The following THSD7B variants were observed in gnomAD, a reference collection of about 807,000 sequenced individuals.
THSD7B encodes the protein thrombospondin type-1 domain-containing protein 7B.
Under a neutral mutation model 213.6 loss-of-function variants are expected in THSD7B, and 138 were observed. The ratio of observed to expected loss-of-function variants is 0.65; its 90% confidence interval spans 0.56 to 0.74. The LOEUF is 0.74. Ranked by LOEUF, THSD7B falls within the 30% of genes least tolerant of loss-of-function variation. The probability of loss-of-function intolerance (pLI) is 0.00; values close to 1 mark genes in which losing one functional copy is unlikely to be tolerated. For missense variants in THSD7B, 1,931 were observed against 1,991.5 expected, an observed-to-expected ratio of 0.97 and a Z score of 0.58; for synonymous variants, 742 against 687.0, an observed-to-expected ratio of 1.08 and a Z score of -1.25.
At chr2:137,074,497 T>C (rs2104896209) in intron 3 of THSD7B, among the ~76,000 whole-genome samples, 1 of 152,312 alleles carries the variant, frequency 6.6e-6, no homozygotes, top group African/African-American at 2.4e-5. Flanking sequence ...GTGAGATGGG[T>C]TTCCTGAATA....
At position 137,233,230 on chromosome 2, in the gene THSD7B, C is replaced by T. The variant is rs531249763; in HGVS notation, c.2150+97C>T. ...TCAAGCAATAGATATTTCTGGGTCTCTGATAGAGTAAGAGGGTTTGTTGTT... is the reference window on the plus strand; with the variant it reads ...TCAAGCAATAGATATTTCTGGGTCTTTGATAGAGTAAGAGGGTTTGTTGTT... On this transcript the variant is annotated intron_variant, in intron 9 of 27. Transcript: ENST00000409968. 3.5e-6 allele frequency: 4 copies of T among 1,155,024 alleles called. No homozygotes were observed. The East Asian group carries it at 7.7e-5, about 22-fold the overall frequency. 71.5% of individuals were successfully genotyped at this position (1,155,024 alleles called of 1,614,324 possible). A position where few individuals can be genotyped will look rare whatever the true frequency, so the allele number is the denominator to read the frequency against.
intron 5 of THSD7B, among the ~76,000 whole-genome samples, chr2:137,147,063 T>C (rs569526151): frequency 1.4e-3 from 213 of 152,324 alleles, no homozygotes; most frequent in African/African-American, 4.3e-3. Flanking sequence ...TTGTACTCTC[T>C]GCTACTCTGT....
rs369622554 is a variant in THSD7B, at chr2:136,874,135, C to T, written c.-35-8009C>T. Among the ~76,000 whole-genome samples the T allele has an allele frequency of 5.3e-5, 8 of 152,080 alleles. No homozygotes were observed. In the East Asian group the frequency reaches 1.5e-3, roughly 29 times the overall value. On this transcript the variant is annotated intron_variant, in intron 1 of 27. Transcript: ENST00000409968. ...ACATTATCAGAGACATGAAAAAATG[C>T]TTGTGTTGATATTGACTTACAACAC...
intron 17 of THSD7B, among the ~76,000 whole-genome samples, chr2:137,603,146 C>T (rs1022060845): frequency 2.0e-5 from 3 of 152,174 alleles, no homozygotes; most frequent in Non-Finnish European, 4.4e-5. Context: ...CGCCTCCCCT[C>T]GCCTGAGTAT....
At chr2:137,113,522 C>T (rs979176543) in intron 4 of THSD7B, among the ~76,000 whole-genome samples, 5 of 152,014 alleles carry the variant, frequency 3.3e-5, no homozygotes, top group African/African-American at 9.7e-5. Context: ...CCGCACCCTC[C>T]GCCTCCTGGG....
intron 1 of THSD7B, among the ~76,000 whole-genome samples, chr2:136,877,118 C>T: frequency 6.6e-6 from 1 of 151,908 alleles, no homozygotes; most frequent in Non-Finnish European, 1.5e-5. Context: ...ACTAGGGTTC[C>T]AGAAAAGGAC....
At chr2:137,010,244 G>A (rs895473124) in intron 2 of THSD7B, among the ~76,000 whole-genome samples, 1 of 152,158 alleles carries the variant, frequency 6.6e-6, no homozygotes, top group Non-Finnish European at 1.5e-5. Context: ...CTAGATATTG[G>A]CACAGTGAAG....
intron 1 of THSD7B, among the ~76,000 whole-genome samples, chr2:136,877,558 T>C (rs1170715369): frequency 6.6e-6 from 1 of 152,192 alleles, no homozygotes; most frequent in African/African-American, 2.4e-5. Context: ...TGCTTTTTAC[T>C]TCTCATCCCT....
intron 2 of THSD7B, among the ~76,000 whole-genome samples, chr2:137,039,715 C>A (rs1253876813): frequency 6.6e-6 from 1 of 152,226 alleles, no homozygotes; most frequent in Non-Finnish European, 1.5e-5. Flanking sequence ...GAAGGTCACA[C>A]AGTGCTGAAT....
intron 6 of THSD7B, among the ~76,000 whole-genome samples, chr2:137,163,547 G>A (rs1452825149): frequency 6.6e-6 from 1 of 152,202 alleles, no homozygotes; most frequent in African/African-American, 2.4e-5. Flanking sequence ...GAGCACCGTG[G>A]AGAACCACAA....
chr2:137,545,576 T>C (rs1370273087), intron 15 of THSD7B, among the ~76,000 whole-genome samples: 2 of 151,916 alleles, frequency 1.3e-5, no homozygotes, highest in Non-Finnish European at 2.9e-5. Flanking sequence ...GTAAAGTACT[T>C]GATGCTGCCC....
chr2:137,056,746 A>C lies in THSD7B; in HGVS notation c.466A>C (p.Asn156His). ...IQKLNRTVVA[N>H]EICEHFALQP... ...GAAGCTGAACCGAACTGTGGTTGCA[A>C]ATGAAATATGCGAACACTTTGCCCT... is the stretch of plus-strand genomic sequence containing the variant. The change falls in exon 3 of 28, where the codon AAT becomes CAT. Residue 156 changes from asparagine to histidine, a missense_variant. Asn to His is a moderately conservative substitution (Grantham distance 68). Transcript: ENST00000409968. The C allele has an allele frequency of 6.2e-7, 1 of 1,613,984 alleles. No individual in the cohort carries two copies. Among genetic ancestry groups the C allele is most frequent in the Non-Finnish European group, 8.5e-7 (1 of 1,179,896 alleles).
At chr2:136,886,744 A>G (rs1002084) in intron 2 of THSD7B, among the ~76,000 whole-genome samples, 138,879 of 152,260 alleles carry the variant, frequency 0.91, 63,568 homozygotes, top group East Asian at 1. Context: ...TTTGCCCTGA[A>G]CAACTGGAAG....
At chr2:137,037,303 T>C (rs1686795867) in intron 2 of THSD7B, among the ~76,000 whole-genome samples, 1 of 152,162 alleles carries the variant, frequency 6.6e-6, no homozygotes, top group African/African-American at 2.4e-5. Context: ...ATTTTTTGTT[T>C]ACATATTAAG....
chr2:136,952,277 G>T (rs1008040247), intron 2 of THSD7B, among the ~76,000 whole-genome samples: 51 of 151,792 alleles, frequency 3.4e-4, no homozygotes, highest in African/African-American at 1.2e-3. Flanking sequence ...TATTTTACTG[G>T]GTCATGATAT....
chr2:137,170,796 T>C lies in THSD7B; in HGVS notation c.1581T>C (p.His527=), dbSNP rs748801875. ...VLMESTGPAG[H]CPHLVESVPC... is the part of the protein sequence containing the mutation. ...TGGAATCTACAGGGCCTGCAGGGCA[T>C]TGCCCTCATTTGGTGGAGTCTGTTC... Residue 527 remains histidine, a synonymous_variant, in exon 7 of 28, where the codon CAT becomes CAC. Coordinates refer to ENST00000409968, the MANE Select transcript of THSD7B (RefSeq NM_001316349.2). 4 of 1,613,740 alleles carry C rather than the reference T, an allele frequency of 2.5e-6. No individual in the cohort carries two copies. The highest frequency in any genetic ancestry group is 3.4e-6 in the Non-Finnish European group (4 of 1,179,738).
intron 5 of THSD7B, among the ~76,000 whole-genome samples, chr2:137,124,128 A>T (rs1043806292): frequency 8.5e-5 from 13 of 152,200 alleles, no homozygotes; most frequent in African/African-American, 3.1e-4. Flanking sequence ...AGAAGATTAC[A>T]TTTGGAAAAC....
chr2:137,089,428 A>G, intron 3 of THSD7B, among the ~76,000 whole-genome samples: 2 of 150,586 alleles, frequency 1.3e-5, no homozygotes, highest in African/African-American at 4.9e-5. Context: ...ATATGTATAT[A>G]TGTGTATATA....
intron 2 of THSD7B, among the ~76,000 whole-genome samples, chr2:136,907,632 A>G (rs1040752868): frequency 6.6e-6 from 1 of 152,266 alleles, no homozygotes. Context: ...TATACCTAGA[A>G]GTGAACATCC....
Sources: allele counts gnomAD v4.1 joint callset (sites outside exome capture counted in the v4.1 genomes callset), GRCh38; gene constraint gnomAD v4.1.1; transcripts MANE v1.5; gene names NCBI Gene and HGNC (gene_info 2026-07-23, HGNC 2026-07-21).